The following HCN1 variants were observed in gnomAD, a reference collection of about 807,000 sequenced individuals.
HCN1 encodes hyperpolarization activated cyclic nucleotide gated potassium channel 1, also known as potassium/sodium hyperpolarization-activated cyclic nucleotide-gated channel 1.
HCN1 carries 13 observed loss-of-function variants against 78.9 expected under a neutral mutation model. The observed-to-expected ratio is 0.16, with a 90% CI of 0.11 to 0.26. The LOEUF (loss-of-function observed/expected upper bound fraction) is 0.26, where lower values mean the gene tolerates loss of function less well. HCN1 is among the 10% of genes least tolerant of loss of function. The pLI is 1.00. For missense variants in HCN1, 810 were observed against 1,154.3 expected (o/e 0.70, Z 4.32); for synonymous variants, 552 against 455.5 (o/e 1.21, Z -2.70).
In HCN1 at chr5:45,261,940, C is replaced by A. The variant is rs775806199; in HGVS notation, c.2654G>T (p.Arg885Leu). 6.2e-7 allele frequency: 1 copy of A among 1,613,994 alleles called. No individual in the cohort carries two copies. Among genetic ancestry groups the A allele is most frequent in the South Asian group, 1.1e-5 (1 of 91,060 alleles). ...CAGGGATCATAAATTTGAAGCAAAT[C>A]GTGGCTTTTCTGCGTCTGGGTCTGT... ...LNTDPDAEKP[R>L]FASNL Residue 885 changes from arginine to leucine, a missense_variant, in exon 8 of 8, where the codon CGA (arginine) becomes CTA (leucine). Physicochemically the swap from Arg to Leu is moderately radical, Grantham distance 102 (BLOSUM62 -2). This residue lies in a region of HCN1 where 398 missense variants were observed against 381.3 expected (regional missense o/e 1.04). Transcript: ENST00000303230.
At chr5:45,422,951 A>G (rs1740258152) in intron 3 of HCN1, among the ~76,000 whole-genome samples, 2 of 152,126 alleles carry the variant, frequency 1.3e-5, no homozygotes, top group African/African-American at 4.8e-5. Context: ...GATAGAACGA[A>G]TAAGATCTTG....
chr5:45,519,939 A>G (rs1250763756), intron 2 of HCN1, among the ~76,000 whole-genome samples: 2 of 152,020 alleles, frequency 1.3e-5, no homozygotes, highest in Admixed American at 6.6e-5. Flanking sequence ...GTGTTTACCC[A>G]TAAGAGTTGA....
At chr5:45,438,775 G>T (rs984044916) in intron 3 of HCN1, among the ~76,000 whole-genome samples, 1 of 152,066 alleles carries the variant, frequency 6.6e-6, no homozygotes, top group Admixed American at 6.6e-5. Context: ...AAAATTAAAT[G>T]AGATGATGTA....
At chr5:45,493,638 T>C (rs1741947301) in intron 2 of HCN1, among the ~76,000 whole-genome samples, 1 of 151,916 alleles carries the variant, frequency 6.6e-6, no homozygotes, top group Non-Finnish European at 1.5e-5. Context: ...TTAGGGTACA[T>C]GTGCACAATG....
In HCN1 at chr5:45,262,321, G is replaced by A; in HGVS notation, c.2273C>T (p.Pro758Leu). The change falls in exon 8 of 8, where the codon CCT (proline) becomes CTT (leucine). Residue 758 changes from proline to leucine, a missense_variant. By Grantham distance (98) the Pro-to-Leu change is moderately conservative. Transcript: ENST00000303230. Reference sequence around the variant, plus strand: ...TTCATTTTTCGGCGTGGAGCTGCCAGGTGTCTGTGGCTGCGGGGACGGCTG... The same window carrying A: ...TTCATTTTTCGGCGTGGAGCTGCCAAGTGTCTGTGGCTGCGGGGACGGCTG... ...PQQPSPQPQT[P>L]GSSTPKNEVH... The A allele has an allele frequency of 6.2e-7, 1 of 1,613,830 alleles. No individual in the cohort carries two copies.
At chr5:45,501,058 G>A (rs181436233) in intron 2 of HCN1, among the ~76,000 whole-genome samples, 167 of 152,226 alleles carry the variant, frequency 1.1e-3, no homozygotes, top group African/African-American at 3.9e-3. Flanking sequence ...TGAATGACTA[G>A]TAACATTATA....
At chr5:45,619,082 T>G (rs1291386650) in intron 2 of HCN1, among the ~76,000 whole-genome samples, 4 of 152,082 alleles carry the variant, frequency 2.6e-5, no homozygotes, top group Non-Finnish European at 5.9e-5. Context: ...GTAGAAAAAT[T>G]GATTTTTTTC....
At chr5:45,288,771 T>C (rs1412209782) in intron 6 of HCN1, among the ~76,000 whole-genome samples, 2 of 152,044 alleles carry the variant, frequency 1.3e-5, no homozygotes, top group African/African-American at 4.8e-5. Flanking sequence ...CCTGGTACCA[T>C]TGCACAGTTC....
intron 1 of HCN1, among the ~76,000 whole-genome samples, chr5:45,653,923 T>TA (rs1554037825): frequency 6.6e-6 from 1 of 151,910 alleles, no homozygotes; most frequent in East Asian, 1.9e-4. Flanking sequence ...AGTATAATAA[T>TA]AATAAATAAA....
intron 2 of HCN1, among the ~76,000 whole-genome samples, chr5:45,504,654 A>G (rs1239077814): frequency 2.0e-5 from 3 of 152,274 alleles, no homozygotes; most frequent in South Asian, 2.1e-4. Flanking sequence ...TTCTAGTTCT[A>G]GATCCTTGAG....
chr5:45,374,235 C>T (rs540595096), intron 4 of HCN1, among the ~76,000 whole-genome samples: 28 of 103,760 alleles, frequency 2.7e-4, no homozygotes, highest in South Asian at 5.8e-4. Flanking sequence ...ATATACATAA[C>T]ATATATATTA....
intron 1 of HCN1, among the ~76,000 whole-genome samples, chr5:45,668,019 C>T (rs1746083587): frequency 6.6e-6 from 1 of 151,932 alleles, no homozygotes; most frequent in Non-Finnish European, 1.5e-5. Flanking sequence ...GATTTGGAGG[C>T]AGATTTTCTG....
chr5:45,412,201 C>G (rs183666521), intron 3 of HCN1, among the ~76,000 whole-genome samples: 1 of 152,234 alleles, frequency 6.6e-6, no homozygotes, highest in Admixed American at 6.6e-5. Flanking sequence ...TTTTCCTGAG[C>G]TAGTTCTAAA....
intron 5 of HCN1, 36 bp downstream of exon 5, chr5:45,353,064 T>G: frequency 2.6e-6 from 4 of 1,533,418 alleles, no homozygotes; most frequent in Non-Finnish European, 3.6e-6. Flanking sequence ...TAAACAATGA[T>G]TATGTATTAT....
intron 1 of HCN1, among the ~76,000 whole-genome samples, chr5:45,652,211 T>A (rs922216037): frequency 6.6e-6 from 1 of 152,142 alleles, no homozygotes; most frequent in Admixed American, 6.6e-5. Flanking sequence ...TGTATTTTTT[T>A]ATTGTTTGTT....
chr5:45,300,624 C>G (rs567837317), intron 6 of HCN1, among the ~76,000 whole-genome samples: 6 of 152,032 alleles, frequency 3.9e-5, no homozygotes, highest in Admixed American at 2.6e-4. Flanking sequence ...AGGCTTCCAG[C>G]CAACAGTAGG....
intron 5 of HCN1, among the ~76,000 whole-genome samples, chr5:45,351,537 A>C (rs1369570558): frequency 9.2e-6 from 1 of 108,194 alleles, no homozygotes; most frequent in African/African-American, 5.6e-5. Flanking sequence ...GGATCTAATT[A>C]AACTAAAGAG....
At chr5:45,378,600 GT>G (rs1185775280) in intron 4 of HCN1, among the ~76,000 whole-genome samples, 1 of 151,964 alleles carries the variant, frequency 6.6e-6, no homozygotes, top group East Asian at 1.9e-4. Flanking sequence ...TTGGGTCACT[GT>G]TTGTTGTTTT....
chr5:45,618,160 A>G (rs182171768), intron 2 of HCN1, among the ~76,000 whole-genome samples: 82 of 152,238 alleles, frequency 5.4e-4, no homozygotes, highest in African/African-American at 1.6e-3. Context: ...TAATAGTGAC[A>G]TAAGTGCAGG....
Sources: gnomAD v4.1 joint callset for allele counts (sites outside exome capture counted in the v4.1 genomes callset) on GRCh38, gnomAD v4.1.1 for gene constraint, gnomAD v4.1.1 regional missense constraint, MANE v1.5 for transcripts, NCBI Gene and HGNC (gene_info 2026-07-23, HGNC 2026-07-21) for gene names.